The following HEPHL1 variants were observed in gnomAD, a reference collection of about 807,000 sequenced individuals.
HEPHL1 encodes the protein hephaestin like 1, also known as ferroxidase HEPHL1.
HEPHL1 carries 123 observed loss-of-function variants against 122.0 expected under a neutral mutation model. That is an observed-to-expected ratio of 1.01 (90% CI 0.87 to 1.17). HEPHL1 has a LOEUF of 1.17. HEPHL1 is among the 50% of genes most tolerant of loss of function. The pLI, the probability that HEPHL1 is intolerant of heterozygous loss-of-function variation, is 0.00. For missense variants in HEPHL1, 1,452 were observed against 1,430.5 expected (o/e 1.01, Z -0.24); for synonymous variants, 527 against 508.9 (o/e 1.04, Z -0.48).
Position 94,104,877 on chromosome 11 carries a change from A to G in HEPHL1, c.2905+127A>G, listed in dbSNP as rs141872002. On this transcript the variant is annotated intron_variant, in intron 16 of 19. Transcript: ENST00000315765. ...TCCCAGGGGCACCTGGACTGAAGAA[A>G]GTCCTCTAATGCTTTCCTTCAGACT... 1,006 of 733,408 alleles carry G rather than the reference A, an allele frequency of 1.4e-3. 6 individuals carry two copies. In the African/African-American group the frequency reaches 0.016, roughly 12 times the overall value. 45.4% of individuals were successfully genotyped at this position (733,408 alleles called of 1,614,324 possible). A position where few individuals can be genotyped will look rare whatever the true frequency, so the allele number is the denominator to read the frequency against.
At chr11:94,078,785 G>T (rs889134400) in intron 9 of HEPHL1, among the ~76,000 whole-genome samples, 7 of 151,896 alleles carry the variant, frequency 4.6e-5, no homozygotes, top group African/African-American at 1.7e-4. Context: ...AATTGGATGG[G>T]GTACACTCAT....
chr11:94,023,915 G>A (rs1035856092), intron 1 of HEPHL1, among the ~76,000 whole-genome samples: 5 of 152,178 alleles, frequency 3.3e-5, no homozygotes, highest in South Asian at 2.1e-4. Flanking sequence ...TAGGGCTGTC[G>A]TAGGTGGCTG....
chr11:94,027,151 T>C (rs1015265399), intron 1 of HEPHL1, among the ~76,000 whole-genome samples: 8 of 152,182 alleles, frequency 5.3e-5, no homozygotes, highest in Non-Finnish European at 1.0e-4. Context: ...GCCTCCATTT[T>C]CATATCGTCG....
Position 94,088,948 on chromosome 11 carries a change from C to T in HEPHL1, c.2274C>T (p.His758=), listed in dbSNP as rs373693837. 1.5e-5 allele frequency: 24 copies of T among 1,613,920 alleles called. No individual in the cohort carries two copies. The highest frequency in any genetic ancestry group is 2.0e-5 in the Non-Finnish European group (24 of 1,179,868). The change falls in exon 12 of 20, where the codon CAC becomes CAT. Residue 758 remains histidine, a synonymous_variant. Coordinates refer to ENST00000315765, the MANE Select transcript of HEPHL1 (RefSeq NM_001098672.2). ...PNKNWEFEKQ[H]VDARGERHGD... is the part of the protein sequence containing the mutation. The stretch of plus-strand genomic sequence containing the variant: ...AAAACTGGGAGTTCGAAAAGCAGCA[C>T]GTGGACGCAAGAGGGGAAAGGTACC...
chr11:94,086,091 T>G lies in HEPHL1; in HGVS notation c.1982T>G (p.Phe661Cys). 6.2e-7 allele frequency: 1 copy of G among 1,613,888 alleles called. No individual in the cohort carries two copies. The highest frequency in any genetic ancestry group is 8.5e-7 in the Non-Finnish European group (1 of 1,179,864). ...GTDTDMHGIV[F>C]QGNTIHLRGT... ...GACACTGACATGCATGGAATTGTTT[T>G]TCAAGGGAACACCATCCACCTACGA... The change falls in exon 11 of 20, where the codon TTT (phenylalanine) becomes TGT (cysteine). Residue 661 changes from phenylalanine (F) to cysteine (C), a missense_variant. Coordinates refer to ENST00000315765, the MANE Select transcript of HEPHL1 (RefSeq NM_001098672.2).
chr11:94,092,286 C>T lies in HEPHL1; in HGVS notation c.2295-1215C>T, dbSNP rs79080786. 3.7e-3 allele frequency among the ~76,000 whole-genome samples: 566 copies of T among 152,260 alleles called. 4 individuals are homozygous for T. Among genetic ancestry groups the T allele is most frequent in the African/African-American group, 0.013 (521 of 41,550 alleles). On this transcript the variant is annotated intron_variant, in intron 12 of 19. Transcript: ENST00000315765. ...TGAAATGTACTATACATGTAAGGTACGTATACAGTCTATCCTCGTTATTTG... is the reference window on the plus strand; with the variant it reads ...TGAAATGTACTATACATGTAAGGTATGTATACAGTCTATCCTCGTTATTTG...
intron 13 of HEPHL1, among the ~76,000 whole-genome samples, chr11:94,096,750 G>A (rs1304662559): frequency 2.0e-5 from 3 of 151,978 alleles, no homozygotes; most frequent in African/African-American, 4.8e-5. Flanking sequence ...GTCTTGGGAG[G>A]GTGTATGTGT....
chr11:94,052,997 G>A (rs1000196413), intron 2 of HEPHL1, among the ~76,000 whole-genome samples: 4 of 151,996 alleles, frequency 2.6e-5, no homozygotes, highest in African/African-American at 9.7e-5. Context: ...GAAGGAATTG[G>A]AAAGTCTCCA....
chr11:94,088,897 A>G lies in HEPHL1; in HGVS notation c.2223A>G (p.Glu741=), dbSNP rs539420944. The G allele has an allele frequency of 5.6e-5, 90 of 1,614,000 alleles. No individual in the cohort carries two copies. In the South Asian group the frequency reaches 9.2e-4, roughly 17 times the overall value. Residue 741 remains glutamate (E), a synonymous_variant, in exon 12 of 20, where the codon GAA becomes GAG. Transcript: ENST00000315765. ...GAACTTTTTACATCGCCGCTGAAGAAGTAGAATGGGATTATGCCCCTAACA... is the reference window on the plus strand; with the variant it reads ...GAACTTTTTACATCGCCGCTGAAGAGGTAGAATGGGATTATGCCCCTAACA... ...MIRTFYIAAE[E]VEWDYAPNKN... is the part of the protein sequence containing the mutation.
rs1946110452 is a variant in HEPHL1, at chr11:94,075,224, A to T, written c.1555A>T (p.Lys519Ter). ...HVKPGETFTY[K>*]WTVPESVSPT... ...TAAACCAGGTGAAACCTTCACATAC[A>T]AGTGGACAGTGCCTGAGAGCGTAAG... The change falls in exon 9 of 20, where the codon AAG becomes TAG. Residue 519 changes from lysine to a stop codon, truncating the protein, a stop_gained. Coordinates refer to ENST00000315765, the MANE Select transcript of HEPHL1 (RefSeq NM_001098672.2). LOFTEE classifies it high-confidence loss of function. 1 of 1,613,470 alleles carries T rather than the reference A, an allele frequency of 6.2e-7. No homozygotes were observed. Among genetic ancestry groups the T allele is most frequent in the Non-Finnish European group, 8.5e-7 (1 of 1,179,626 alleles).
intron 2 of HEPHL1, among the ~76,000 whole-genome samples, chr11:94,061,001 T>C (rs1384796904): frequency 2.0e-5 from 3 of 152,024 alleles, no homozygotes; most frequent in African/African-American, 7.2e-5. Flanking sequence ...CATAAATAAA[T>C]GGATGCATTT....
At chr11:94,044,996 C>T (rs1348926975) in intron 1 of HEPHL1, among the ~76,000 whole-genome samples, 1 of 152,036 alleles carries the variant, frequency 6.6e-6, no homozygotes, top group African/African-American at 2.4e-5. Context: ...GCCTTGATTT[C>T]CCAGGCTTGA....
At chr11:94,069,391 GA>G (rs1184042321) in intron 5 of HEPHL1, among the ~76,000 whole-genome samples, 1 of 151,996 alleles carries the variant, frequency 6.6e-6, no homozygotes, top group Non-Finnish European at 1.5e-5. Flanking sequence ...AAAGTGCTGG[GA>G]TTATAGGCAT....
At chr11:94,046,091 CTTTTTTTTT>C (rs755367459) in intron 2 of HEPHL1, among the ~76,000 whole-genome samples, 174 bp downstream of exon 2, 3 of 65,048 alleles carry the variant, frequency 4.6e-5, no homozygotes, top group African/African-American at 6.4e-5. Flanking sequence ...CCCTTTCTTG[CTTTTTTTTT>C]TTTTTTTTTT....
rs184753893 is a variant in HEPHL1, at chr11:94,036,761, C to A, written c.171-8912C>A. Among the ~76,000 whole-genome samples the A allele has an allele frequency of 7.9e-3, 1,201 of 151,662 alleles. 12 individuals are homozygous for A. The highest frequency in any genetic ancestry group is 0.028 in the African/African-American group (1,157 of 41,268). The stretch of plus-strand genomic sequence containing the variant: ...GGCTGAGGCAGGAGAACGGTGTGAA[C>A]CCGGAAGGCGGAGGTTGCAGTGAGC... On this transcript the variant is annotated intron_variant, in intron 1 of 19. Transcript: ENST00000315765.
chr11:94,035,104 G>T (rs1945709695), intron 1 of HEPHL1, among the ~76,000 whole-genome samples: 1 of 152,082 alleles, frequency 6.6e-6, no homozygotes, highest in African/African-American at 2.4e-5. Context: ...CAAATTTTCT[G>T]GTCCTATAAA....
chr11:94,031,547 C>A (rs928959816), intron 1 of HEPHL1, among the ~76,000 whole-genome samples: 1 of 152,210 alleles, frequency 6.6e-6, no homozygotes, highest in African/African-American at 2.4e-5. Flanking sequence ...TCTTTCCAGG[C>A]TTTTGCTATC....
rs1945743046 is a variant in HEPHL1 at position 94,038,180 on chromosome 11, A to T, written c.171-7493A>T. Among the ~76,000 whole-genome samples, 5 of 151,140 alleles carry T rather than the reference A, an allele frequency of 3.3e-5. No homozygotes were observed. The South Asian group carries it at 8.4e-4, about 25-fold the overall frequency. On this transcript the variant is annotated intron_variant, in intron 1 of 19. Transcript: ENST00000315765. ...AGGGAAGTTTAGAGAAAAAAGAATA[A>T]AAAGAAATGAGCAAAGCCTCCAAGA...
In HEPHL1 at chr11:94,111,803, C is replaced by T. The variant is rs375073984; in HGVS notation, c.3389C>T (p.Thr1130Met). The T allele has an allele frequency of 4.3e-5, 68 of 1,571,388 alleles. No homozygotes were observed. The highest frequency in any genetic ancestry group is 2.2e-4 in the Admixed American group (12 of 54,732). The change falls in exon 20 of 20, where the codon ACG (threonine) becomes ATG (methionine). Residue 1130 changes from threonine (T) to methionine (M), a missense_variant. By Grantham distance (81) the Thr-to-Met change is moderately conservative. Transcript: ENST00000315765. ...ATTGGACTCCTCCTTCTAATCACCA[C>T]GGTGATTCTCTCCCTCAGACTCTGC... ...FIIGLLLLIT[T>M]VILSLRLCSA... is the part of the protein sequence containing the mutation.
Sources: gnomAD v4.1 joint callset for allele counts (sites outside exome capture counted in the v4.1 genomes callset) on GRCh38, gnomAD v4.1.1 for gene constraint, MANE v1.5 for transcripts, NCBI Gene and HGNC (gene_info 2026-07-23, HGNC 2026-07-21) for gene names.